CPOX: variants seen among roughly 807,000 people sequenced by gnomAD.
The protein encoded by CPOX is oxygen-dependent coproporphyrinogen-III oxidase, mitochondrial.
In CPOX, 24 loss-of-function variants were observed where a neutral mutation model predicts 48.9. The observed-to-expected ratio is 0.49, with a 90% CI of 0.36 to 0.69. The LOEUF (loss-of-function observed/expected upper bound fraction) is 0.69. CPOX is among the 30% of genes least tolerant of loss of function. The probability of loss-of-function intolerance (pLI) is 0.00; values close to 1 mark genes in which losing one functional copy is unlikely to be tolerated. For synonymous variants in CPOX, 249 were observed against 234.6 expected, an observed-to-expected ratio of 1.06 and a Z score of -0.56; for missense variants, 549 against 597.3, an observed-to-expected ratio of 0.92 and a Z score of 0.84.
At chr3:98,589,331 TAAAAC>T (rs954530396) in intron 3 of CPOX, among the ~76,000 whole-genome samples, 3 of 150,068 alleles carry the variant, frequency 2.0e-5, no homozygotes, top group African/African-American at 7.4e-5. Context: ...AAAAACAAAA[TAAAAC>T]AAAACAAAAC....
At chr3:98,583,545 T>C (rs1168279286) in intron 5 of CPOX, among the ~76,000 whole-genome samples, 2 of 152,246 alleles carry the variant, frequency 1.3e-5, no homozygotes, top group African/African-American at 4.8e-5. Context: ...TGTTTCCCTT[T>C]CCCAGAATAC....
rs1006058999 is a variant in CPOX, at chr3:98,592,852, C to T, written c.556+97G>A. Reference sequence around the variant, plus strand: ...TCTCTGTGGGTACCCCCTACCTACCCCATCCCATATTGTGAACTATTATAT... The same window carrying T: ...TCTCTGTGGGTACCCCCTACCTACCTCATCCCATATTGTGAACTATTATAT... On this transcript the variant is annotated intron_variant, in intron 1 of 6. Transcript: ENST00000647941. The T allele has an allele frequency of 3.7e-5, 50 of 1,348,570 alleles. 1 individual carries two copies. The South Asian group carries it at 5.4e-4, about 15-fold the overall frequency. The allele number at this position is 1,348,570 out of a possible 1,614,324, so 83.5% of individuals were successfully genotyped here. A position where few individuals can be genotyped will look rare whatever the true frequency, so the allele number is the denominator to read the frequency against.
intron 4 of CPOX, among the ~76,000 whole-genome samples, chr3:98,586,740 C>A (rs947394992): frequency 2.0e-5 from 3 of 152,018 alleles, no homozygotes; most frequent in Non-Finnish European, 4.4e-5. Context: ...GTCAGGAGAT[C>A]GAGACCATCC....
chr3:98,586,528 CT>C, intron 4 of CPOX, among the ~76,000 whole-genome samples: 1 of 152,242 alleles, frequency 6.6e-6, no homozygotes, highest in South Asian at 2.1e-4. Context: ...CAGATGATAT[CT>C]TTTATTATTT....
Position 98,591,086 on chromosome 3 carries a change from A to T in CPOX, c.626T>A (p.Val209Asp). 6.2e-7 allele frequency: 1 copy of T among 1,614,104 alleles called. No individual in the cohort carries two copies. The highest frequency in any genetic ancestry group is 8.5e-7 in the Non-Finnish European group (1 of 1,180,004). Residue 209 changes from valine to aspartate, a missense_variant, in exon 2 of 7, where the codon GTT becomes GAT. Physicochemically the swap from Val to Asp is radical, Grantham distance 152. Transcript: ENST00000647941. ...TTCCTCTGAAAGATTTCCATGAACA[A>T]CAGAAATGCTCACCCCAGCCTTTTC... is the stretch of plus-strand genomic sequence containing the variant. The part of the protein sequence containing the change: ...VFEKAGVSIS[V>D]VHGNLSEEAA...
chr3:98,587,555 G>C (rs570287929), intron 4 of CPOX, among the ~76,000 whole-genome samples: 4 of 149,726 alleles, frequency 2.7e-5, no homozygotes, highest in Non-Finnish European at 5.9e-5. Flanking sequence ...GGGGCTGAAC[G>C]TGCTAGCTTA....
the CPOX span, among the ~76,000 whole-genome samples, chr3:98,571,087 G>A: frequency 6.6e-6 from 1 of 152,084 alleles, no homozygotes; most frequent in South Asian, 2.1e-4. Context: ...TAATATACCA[G>A]AATTTATTTA....
At chr3:98,578,747 T>C (rs919972378), downstream of CPOX, among the ~76,000 whole-genome samples, 7 of 152,252 alleles carry the variant, frequency 4.6e-5, no homozygotes, top group African/African-American at 1.2e-4. Context: ...TGTTCACCCA[T>C]GTTACTGTCA....
chr3:98,577,762 T>C (rs1707184024), downstream of CPOX, among the ~76,000 whole-genome samples: 1 of 152,210 alleles, frequency 6.6e-6, no homozygotes. Context: ...CCATAGGCAA[T>C]GCAGCCTGCA....
At chr3:98,570,538 A>G in the CPOX span, among the ~76,000 whole-genome samples, 1 of 152,226 alleles carries the variant, frequency 6.6e-6, no homozygotes, top group African/African-American at 2.4e-5. Context: ...CATACACACT[A>G]ATTTAAATAC....
chr3:98,590,533 A>T, intron 3 of CPOX, 99 bp downstream of exon 3: 1 of 866,322 alleles, frequency 1.2e-6, no homozygotes, highest in Non-Finnish European at 1.9e-6. Context: ...AGACCTAATT[A>T]AGACTATTCT....
chr3:98,575,928 C>A (rs1316945960), downstream of CPOX, among the ~76,000 whole-genome samples: 1 of 151,916 alleles, frequency 6.6e-6, no homozygotes, highest in Non-Finnish European at 1.5e-5. Context: ...AAAAATTAGC[C>A]GGGCGTGCTG....
At position 98,593,564 on chromosome 3, in the gene CPOX, C is replaced by A; in HGVS notation, c.-60G>T. On this transcript the variant is annotated 5_prime_UTR_variant, in exon 1 of 7. Transcript: ENST00000647941. ...CCCAGAGCCCTGCGTTTGAGCCCCC[C>A]ACCCAGACCCCCGGAGTATTGAGCC... 1.4e-6 allele frequency: 2 copies of A among 1,470,418 alleles called. No individual in the cohort carries two copies. Among genetic ancestry groups the A allele is most frequent in the South Asian group, 1.3e-5 (1 of 79,554 alleles). The allele number at this position is 1,470,418 out of a possible 1,614,324, so 91.1% of individuals were successfully genotyped here. A position where few individuals can be genotyped will look rare whatever the true frequency, so the allele number is the denominator to read the frequency against.
rs1707517129 is a variant in CPOX, at chr3:98,593,222, G to A, written c.283C>T (p.His95Tyr). 1.9e-6 allele frequency: 3 copies of A among 1,567,844 alleles called. No individual in the cohort carries two copies. Among genetic ancestry groups the A allele is most frequent in the Admixed American group, 1.8e-5 (1 of 57,010 alleles). ...LVGLATAAFG[H>Y]VQRAEMLPKT... ...GGCAACATCTCCGCCCGCTGCACAT[G>A]CCCGAAGGCGGCGGTGGCCAGCCCC... is the stretch of plus-strand genomic sequence containing the variant. Residue 95 changes from histidine to tyrosine, a missense_variant, in exon 1 of 7, where the codon CAT becomes TAT. Transcript: ENST00000647941.
rs1403855466 is a variant in CPOX, at chr3:98,590,619, C to T, written c.811+13G>A. ...TGCACGACAGTACTTTCCGTAGCTC[C>T]TGAGACCCTTACCATCAGCTTCTTC... On this transcript the variant is annotated intron_variant, in intron 3 of 6. Transcript: ENST00000647941. 1.3e-6 allele frequency: 2 copies of T among 1,563,774 alleles called. No homozygotes were observed. The highest frequency in any genetic ancestry group is 1.8e-6 in the Non-Finnish European group (2 of 1,134,376).
chr3:98,572,446 C>A, the CPOX span, among the ~76,000 whole-genome samples: 1 of 151,940 alleles, frequency 6.6e-6, no homozygotes, highest in Non-Finnish European at 1.5e-5. Context: ...TCTTTATGGT[C>A]CCACTTGAAA....
In CPOX at chr3:98,579,504, TC is replaced by T. The variant is rs1352923616; in HGVS notation, c.*1178del. The T allele has an allele frequency of 3.1e-6, 3 of 964,954 alleles. No individual in the cohort carries two copies. The Admixed American group carries it at 1.8e-4, about 59-fold the overall frequency. The allele number at this position is 964,954 out of a possible 1,614,324, so 59.8% of individuals were successfully genotyped here. On this transcript the variant is annotated 3_prime_UTR_variant, in exon 7 of 7. Transcript: ENST00000647941. ...ATCTCTTGTAAGACAGTTGAAGAAT[TC>T]ATACATTTTCCAGCCCCAAAAAGGC... is the stretch of plus-strand genomic sequence containing the variant.
Position 98,593,067 on chromosome 3 carries a change from G to T in CPOX, c.438C>A (p.Gly146=). The T allele has an allele frequency of 6.2e-7, 1 of 1,613,826 alleles. No homozygotes were observed. Among genetic ancestry groups the T allele is most frequent in the Non-Finnish European group, 8.5e-7 (1 of 1,179,932 alleles). ...GCAGCTCCATCTTGGTCTTCATGTC[G>T]CCCGGCCTCCTTCGCAGCTCGCCCA... is the stretch of plus-strand genomic sequence containing the variant. ...TDLGELRRRP[G]DMKTKMELLI... The change falls in exon 1 of 7, where the codon GGC becomes GGA. Residue 146 remains glycine (G), a synonymous_variant. Coordinates refer to ENST00000647941, the MANE Select transcript of CPOX (RefSeq NM_000097.7).
chr3:98,593,584 T>G lies in CPOX; in HGVS notation c.-80A>C. 2 of 1,397,422 alleles carry G rather than the reference T, an allele frequency of 1.4e-6. No homozygotes were observed. The highest frequency in any genetic ancestry group is 2.9e-5 in the East Asian group (1 of 35,002). 86.6% of individuals were successfully genotyped at this position (1,397,422 alleles called of 1,614,324 possible). A position where few individuals can be genotyped will look rare whatever the true frequency, so the allele number is the denominator to read the frequency against. On this transcript the variant is annotated 5_prime_UTR_variant, in exon 1 of 7. Coordinates refer to ENST00000647941, the MANE Select transcript of CPOX (RefSeq NM_000097.7). ...CCCCCCACCCAGACCCCCGGAGTAT[T>G]GAGCCGGCGAGCTGCACAGGCGGAA...
Sources: allele counts gnomAD v4.1 joint callset (sites outside exome capture counted in the v4.1 genomes callset), GRCh38; gene constraint gnomAD v4.1.1; transcripts MANE v1.5; gene names NCBI Gene and HGNC (gene_info 2026-07-23, HGNC 2026-07-21).